The following EPS15L1 variants were observed in gnomAD, a reference collection of about 807,000 sequenced individuals.
EPS15L1 encodes epidermal growth factor receptor pathway substrate 15 like 1.
A neutral mutation model predicts 117.1 loss-of-function variants in EPS15L1; 43 were observed. That is an observed-to-expected ratio of 0.37 (90% CI 0.29 to 0.47). EPS15L1 has a LOEUF of 0.47. Among genes scored for constraint, EPS15L1 ranks in the 20% least tolerant of loss-of-function variants. EPS15L1 has a pLI of 0.99. For missense variants in EPS15L1, 981 were observed against 1,164.0 expected (o/e 0.84, Z 2.29); for synonymous variants, 459 against 470.5 (o/e 0.98, Z 0.32).
chr19:16,369,698 TG>T, intron 22 of EPS15L1, among the ~76,000 whole-genome samples: 1 of 151,780 alleles, frequency 6.6e-6, no homozygotes, highest in Non-Finnish European at 1.5e-5. Context: ...TGTGTGTGTG[TG>T]TGTGTGTGTA....
chr19:16,422,568 G>A (rs909429630), intron 9 of EPS15L1, among the ~76,000 whole-genome samples: 6 of 152,084 alleles, frequency 3.9e-5, no homozygotes, highest in African/African-American at 1.2e-4. Context: ...CCTTCTCCAC[G>A]CAGCAACTGT....
chr19:16,374,039 C>T (rs949185905), intron 22 of EPS15L1, among the ~76,000 whole-genome samples: 8 of 152,344 alleles, frequency 5.3e-5, no homozygotes, highest in Non-Finnish European at 8.8e-5. Flanking sequence ...AAATGCTGCG[C>T]GTGCATTGGC....
In EPS15L1 at chr19:16,437,884, G is replaced by T. The variant is rs772981587; in HGVS notation, c.214-19C>A. ...AGAAACCCTGCAAGTCCAAAGAAAGGGAAGGAGTAAACAGCATATCGCCAG... is the reference window on the plus strand; with the variant it reads ...AGAAACCCTGCAAGTCCAAAGAAAGTGAAGGAGTAAACAGCATATCGCCAG... On this transcript the variant is annotated intron_variant, in intron 4 of 23. Coordinates refer to ENST00000455140, the MANE Select transcript of EPS15L1 (RefSeq NM_001258374.3). 5 of 1,600,068 alleles carry T rather than the reference G, an allele frequency of 3.1e-6. No individual in the cohort carries two copies. The Admixed American group carries it at 8.4e-5, about 27-fold the overall frequency.
intron 16 of EPS15L1, among the ~76,000 whole-genome samples, chr19:16,398,019 C>A (rs1020785944): frequency 6.6e-6 from 1 of 152,110 alleles, no homozygotes; most frequent in Admixed American, 6.5e-5. Context: ...ATTAAAAAGC[C>A]GGGGCGTCCA....
rs946226650 is a variant in EPS15L1, at chr19:16,365,861, CA to C, written c.2381-3878del. Reference sequence around the variant, plus strand: ...CCCATGTCCCTGGTGCCCTCCAGCCCAGGGCTCGGCACACAGTGGGCTTCAG... The same window carrying C: ...CCCATGTCCCTGGTGCCCTCCAGCCCGGGCTCGGCACACAGTGGGCTTCAG... On this transcript the variant is annotated intron_variant, in intron 22 of 23. Transcript: ENST00000455140. The surrounding 1 kb of genome is among the most constrained non-coding windows in gnomAD (Gnocchi z 4.9). Among the ~76,000 whole-genome samples, 11 of 152,202 alleles carry C rather than the reference CA, an allele frequency of 7.2e-5. No homozygotes were observed. Among genetic ancestry groups the C allele is most frequent in the African/African-American group, 2.7e-4 (11 of 41,452 alleles).
chr19:16,393,908 T>C (rs1454057305), intron 18 of EPS15L1, 43 bp downstream of exon 18: 2 of 1,600,650 alleles, frequency 1.2e-6, no homozygotes, highest in South Asian at 1.1e-5. Context: ...GAGCCAGGAC[T>C]GGACACAGTC....
intron 19 of EPS15L1, among the ~76,000 whole-genome samples, chr19:16,387,467 CGTG>C (rs1287226239): frequency 1.3e-5 from 2 of 152,196 alleles, no homozygotes; most frequent in African/African-American, 4.8e-5. Context: ...ATTAGATGGG[CGTG>C]GTGGTGGATG....
intron 7 of EPS15L1, among the ~76,000 whole-genome samples, chr19:16,429,253 C>T (rs751765806): frequency 3.3e-5 from 5 of 152,156 alleles, no homozygotes; most frequent in Non-Finnish European, 4.4e-5. Flanking sequence ...TGTCAGGCCA[C>T]TCAGTGCGCT....
chr19:16,445,182 G>A (rs1441637620), intron 1 of EPS15L1, among the ~76,000 whole-genome samples: 1 of 152,218 alleles, frequency 6.6e-6, no homozygotes, highest in African/African-American at 2.4e-5. Flanking sequence ...CCGCAACCAA[G>A]AGAAACAAGG....
At chr19:16,442,725 G>A (rs989652538) in intron 1 of EPS15L1, among the ~76,000 whole-genome samples, 3 of 152,198 alleles carry the variant, frequency 2.0e-5, no homozygotes, top group Non-Finnish European at 4.4e-5. Flanking sequence ...GCTCAGAGAC[G>A]CACACTGACC....
At chr19:16,431,824 T>C (rs556123501) in intron 7 of EPS15L1, among the ~76,000 whole-genome samples, 8 of 152,330 alleles carry the variant, frequency 5.3e-5, no homozygotes, top group South Asian at 2.1e-4. Context: ...ACAACTATTA[T>C]GTATCATCAA....
chr19:16,432,961 C>A (rs764720931), intron 7 of EPS15L1, among the ~76,000 whole-genome samples: 16 of 151,416 alleles, frequency 1.1e-4, no homozygotes, highest in Non-Finnish European at 1.6e-4. Context: ...CGCACCACCA[C>A]ACCTGGCTAG....
intron 1 of EPS15L1, among the ~76,000 whole-genome samples, chr19:16,450,906 C>G (rs1249528547): frequency 6.6e-6 from 1 of 152,056 alleles, no homozygotes; most frequent in Non-Finnish European, 1.5e-5. Flanking sequence ...AATACTGTAC[C>G]ACCATTATGC....
chr19:16,440,772 A>G, intron 4 of EPS15L1, 90 bp downstream of exon 4: 6 of 1,134,600 alleles, frequency 5.3e-6, no homozygotes, highest in South Asian at 2.5e-5. Flanking sequence ...AATACTTGAC[A>G]GTGGAGGAAT....
chr19:16,422,567 C>T (rs1042805206), intron 9 of EPS15L1, among the ~76,000 whole-genome samples: 3 of 152,112 alleles, frequency 2.0e-5, no homozygotes, highest in East Asian at 1.9e-4. Context: ...TCCTTCTCCA[C>T]GCAGCAACTG....
intron 1 of EPS15L1, among the ~76,000 whole-genome samples, chr19:16,447,051 TCCCCTTAGAGG>T (rs2093090167): frequency 6.6e-6 from 1 of 152,112 alleles, no homozygotes; most frequent in Non-Finnish European, 1.5e-5. Context: ...ATTTCTGCCT[TCCCCTTAGAGG>T]CCCCCACAGG....
intron 23 of EPS15L1, chr19:16,356,380 C>T (rs1003598687): frequency 1.3e-5 from 2 of 154,416 alleles, no homozygotes; most frequent in African/African-American, 2.4e-5. Flanking sequence ...GGCGCGATCT[C>T]GGCTCATTGC....
rs771280676 is a variant in EPS15L1, at chr19:16,361,817, A to G, written c.2548T>C (p.Ser850Pro). The G allele has an allele frequency of 5.6e-6, 9 of 1,613,826 alleles. No homozygotes were observed. In the Admixed American group the frequency reaches 6.7e-5, roughly 12 times the overall value. The part of the protein sequence containing the change: ...PFVPSSAAKP[S>P]KASASGFADF... ...GCAAAGCCCGAGGCAGAGGCCTTAG[A>G]AGGTTTAGCTGCAGAGGAGGGGACA... The change falls in exon 23 of 24, where the codon TCT becomes CCT. Residue 850 changes from serine to proline, a missense_variant. Around this residue, in one of 5 missense-constraint regions of EPS15L1, gnomAD observed 819 missense variants for 949.0 expected, o/e 0.86. Transcript: ENST00000455140.
intron 16 of EPS15L1, chr19:16,402,062 T>C: frequency 8.1e-7 from 1 of 1,231,522 alleles, no homozygotes; most frequent in Non-Finnish European, 1.0e-6. Flanking sequence ...TCCGCAGAGA[T>C]GGAGGGCATT....
Sources: allele counts gnomAD v4.1 joint callset (sites outside exome capture counted in the v4.1 genomes callset), GRCh38; gene constraint gnomAD v4.1.1; regional missense constraint gnomAD v4.1.1; non-coding constraint Gnocchi (gnomAD v3.1); transcripts MANE v1.5; gene names NCBI Gene and HGNC (gene_info 2026-07-23, HGNC 2026-07-21).